Variants in TMTC4 observed in about 807,000 individuals in gnomAD.
The protein encoded by TMTC4 is protein O-mannosyl-transferase TMTC4.
TMTC4 carries 65 observed loss-of-function variants against 86.0 expected under a neutral mutation model. The observed-to-expected ratio is 0.76, with a 90% CI of 0.62 to 0.93. The LOEUF is 0.93. Among genes scored for constraint, TMTC4 ranks in the 40% least tolerant of loss-of-function variants. TMTC4 has a pLI of 0.00. For synonymous variants in TMTC4, 379 were observed against 382.5 expected (o/e 0.99, Z 0.11); for missense variants, 866 against 948.1 (o/e 0.91, Z 1.14).
chr13:100,623,875 C>A, intron 15 of TMTC4: 1 of 494,086 alleles, frequency 2.0e-6, no homozygotes, highest in South Asian at 1.5e-5. Context: ...ACAGATGCAC[C>A]CACTATTCTC....
chr13:100,612,640 T>C, intron 16 of TMTC4, 130 bp from the exon 17 acceptor site: 2 of 631,366 alleles, frequency 3.2e-6, no homozygotes, highest in Non-Finnish European at 2.8e-6. Context: ...AGAAAATCTG[T>C]GTAGATCATG....
chr13:100,623,383 C>A (rs929748530), intron 15 of TMTC4, among the ~76,000 whole-genome samples: 2 of 152,228 alleles, frequency 1.3e-5, no homozygotes, highest in African/African-American at 4.8e-5. Context: ...CAGGCACGTA[C>A]CACCATGTCT....
Position 100,663,120 on chromosome 13 carries a change from G to A in TMTC4, c.396C>T (p.Leu132=). 1 of 1,614,248 alleles carries A rather than the reference G, an allele frequency of 6.2e-7. No individual in the cohort carries two copies. The highest frequency in any genetic ancestry group is 2.2e-5 in the East Asian group (1 of 44,888). Residue 132 remains leucine, a synonymous_variant, in exon 5 of 19, where the codon CTC becomes CTT. Coordinates refer to ENST00000342624, the MANE Select transcript of TMTC4 (RefSeq NM_032813.5). ...HPVGFHVVNI[L]LHSGISVLMV... is the part of the protein sequence containing the mutation. ...TGAGGACAGAGATGCCACTGTGCAGGAGGATGTTGACCACGTGAAAGCCCA... is the reference window on the plus strand; with the variant it reads ...TGAGGACAGAGATGCCACTGTGCAGAAGGATGTTGACCACGTGAAAGCCCA...
At chr13:100,610,123 A>G (rs2153022184) in intron 17 of TMTC4, among the ~76,000 whole-genome samples, 1 of 152,340 alleles carries the variant, frequency 6.6e-6, no homozygotes, top group South Asian at 2.1e-4. Flanking sequence ...GAGGAGATTT[A>G]CCAAGTGCAT....
chr13:100,674,322 G>A (rs896460883), intron 1 of TMTC4: 1 of 978,618 alleles, frequency 1.0e-6, no homozygotes, highest in African/African-American at 1.8e-5. Context: ...CCTGCGCCGC[G>A]GCCAGCTGGC....
chr13:100,637,358 C>G (rs1182625905), intron 9 of TMTC4, among the ~76,000 whole-genome samples, 180 bp downstream of exon 9: 1 of 152,174 alleles, frequency 6.6e-6, no homozygotes, highest in Admixed American at 6.5e-5. Context: ...TTTCAACCCC[C>G]TCAGGAAGAC....
chr13:100,661,298 T>C (rs551006799), intron 5 of TMTC4, among the ~76,000 whole-genome samples: 4 of 152,120 alleles, frequency 2.6e-5, no homozygotes, highest in South Asian at 2.1e-4. Context: ...TGTGTGCGTG[T>C]GAGTGTGTAC....
At chr13:100,646,185 GGTGC>G (rs1883716694) in intron 6 of TMTC4, among the ~76,000 whole-genome samples, 1 of 152,130 alleles carries the variant, frequency 6.6e-6, no homozygotes, top group Non-Finnish European at 1.5e-5. Context: ...CTAAAGGCAG[GGTGC>G]ACCCTCTTGA....
In TMTC4 at chr13:100,668,613, A is replaced by G; in HGVS notation, c.185T>C (p.Val62Ala). ...CFARSYDGDF[V>A]FDDSEAIVNN... Reference sequence around the variant, plus strand: ...AACAATAGCTTCTGAGTCATCAAAGACAAAGTCTCCATCATAGCTGCGTGC... The same window carrying G: ...AACAATAGCTTCTGAGTCATCAAAGGCAAAGTCTCCATCATAGCTGCGTGC... The change falls in exon 3 of 19, where the codon GTC (valine) becomes GCC (alanine). Residue 62 changes from valine to alanine, a missense_variant. Coordinates refer to ENST00000342624, the MANE Select transcript of TMTC4 (RefSeq NM_032813.5). 1 of 1,614,224 alleles carries G rather than the reference A, an allele frequency of 6.2e-7. No homozygotes were observed. The highest frequency in any genetic ancestry group is 1.1e-5 in the South Asian group (1 of 91,078).
intron 6 of TMTC4, among the ~76,000 whole-genome samples, chr13:100,649,378 T>A (rs1309618785): frequency 6.6e-6 from 1 of 152,236 alleles, no homozygotes; most frequent in Non-Finnish European, 1.5e-5. Flanking sequence ...CTAATAATTA[T>A]CAACATATAA....
rs1381283071 is a variant in TMTC4 at position 100,606,341 on chromosome 13, T to C, written c.2134+17A>G. On this transcript the variant is annotated intron_variant, in intron 18 of 18. Transcript: ENST00000342624. ...TAACAAAATTTCAACACGATTCAAG[T>C]TGAACATTTTTCTTACCCAAATTAC... 6.2e-7 allele frequency: 1 copy of C among 1,610,996 alleles called. No individual in the cohort carries two copies. Among genetic ancestry groups the C allele is most frequent in the Non-Finnish European group, 8.5e-7 (1 of 1,177,788 alleles).
intron 17 of TMTC4, among the ~76,000 whole-genome samples, chr13:100,611,413 G>C (rs1431621337): frequency 6.6e-6 from 1 of 152,076 alleles, no homozygotes; most frequent in Non-Finnish European, 1.5e-5. Context: ...GTGAAACCCT[G>C]TCTCTTCTAA....
chr13:100,622,098 C>G (rs919904039), intron 15 of TMTC4, among the ~76,000 whole-genome samples: 1 of 152,154 alleles, frequency 6.6e-6, no homozygotes, highest in African/African-American at 2.4e-5. Flanking sequence ...GTAACTAGGT[C>G]ATAAAGCACA....
In TMTC4 at chr13:100,637,830, T is replaced by C. The variant is rs541212476; in HGVS notation, c.834+100A>G. 1.1e-5 allele frequency: 17 copies of C among 1,533,724 alleles called. No individual in the cohort carries two copies. In the East Asian group the frequency reaches 1.8e-4, roughly 16 times the overall value. ...CTGTGCTTTAAAAGGCTGGTTATTG[T>C]AGAATTCAAAATCACAAGGAATATT... On this transcript the variant is annotated intron_variant, in intron 8 of 18. Transcript: ENST00000342624.
intron 7 of TMTC4, among the ~76,000 whole-genome samples, chr13:100,640,358 G>A (rs1882854091): frequency 6.6e-6 from 1 of 152,018 alleles, no homozygotes; most frequent in Admixed American, 6.5e-5. Context: ...GAAAAACACT[G>A]TTTTAGAGCA....
intron 15 of TMTC4, chr13:100,624,016 A>C (rs1880013086): frequency 3.4e-6 from 1 of 291,726 alleles, no homozygotes; most frequent in African/African-American, 2.3e-5. Flanking sequence ...CCAGTCACCT[A>C]CTTGTTATCA....
intron 6 of TMTC4, among the ~76,000 whole-genome samples, chr13:100,649,264 A>G (rs1432351672): frequency 6.6e-6 from 1 of 152,174 alleles, no homozygotes; most frequent in Non-Finnish European, 1.5e-5. Context: ...GATGGCCCAG[A>G]CTAGTGGACT....
chr13:100,634,570 C>G (rs1293211786), intron 12 of TMTC4, among the ~76,000 whole-genome samples: 1 of 152,018 alleles, frequency 6.6e-6, no homozygotes, highest in Non-Finnish European at 1.5e-5. Context: ...TTAGAGTCAT[C>G]TGTTTCATTG....
At chr13:100,672,037 G>A (rs1402630190) in intron 1 of TMTC4, among the ~76,000 whole-genome samples, 3 of 152,156 alleles carry the variant, frequency 2.0e-5, no homozygotes, top group Non-Finnish European at 2.9e-5. Flanking sequence ...TTTCCTCACT[G>A]GCACAACACA....
Sources: gnomAD v4.1 joint callset for allele counts (sites outside exome capture counted in the v4.1 genomes callset) on GRCh38, gnomAD v4.1.1 for gene constraint, MANE v1.5 for transcripts, NCBI Gene and HGNC (gene_info 2026-07-23, HGNC 2026-07-21) for gene names.